The following ADGRA3 variants were observed in gnomAD, a reference collection of about 807,000 sequenced individuals.
ADGRA3 encodes adhesion G protein-coupled receptor A3.
Under a neutral mutation model 119.8 loss-of-function variants are expected in ADGRA3, and 56 were observed. That is an observed-to-expected ratio of 0.47 (90% CI 0.38 to 0.58). ADGRA3 has a LOEUF of 0.58. Among genes scored for constraint, ADGRA3 ranks in the 20% least tolerant of loss-of-function variants. ADGRA3 has a pLI of 0.00. For synonymous variants in ADGRA3, 607 were observed against 623.8 expected, an observed-to-expected ratio of 0.97 and a Z score of 0.40; for missense variants, 1,516 against 1,649.0, an observed-to-expected ratio of 0.92 and a Z score of 1.40.
chr4:22,406,652 A>T (rs34062464), intron 14 of ADGRA3, among the ~76,000 whole-genome samples: 5,762 of 152,082 alleles, frequency 0.038, 252 homozygotes, highest in East Asian at 0.24. Flanking sequence ...TAAATCAAAA[A>T]TTTTTTATGT....
chr4:22,402,926 C>A, intron 14 of ADGRA3, 127 bp from the exon 15 acceptor site: 1 of 860,154 alleles, frequency 1.2e-6, no homozygotes, highest in Non-Finnish European at 1.8e-6. Flanking sequence ...TTATTTTATT[C>A]AGACTAATGT....
At chr4:22,474,714 C>T (rs926421355) in intron 1 of ADGRA3, among the ~76,000 whole-genome samples, 3 of 152,216 alleles carry the variant, frequency 2.0e-5, no homozygotes, top group African/African-American at 4.8e-5. Context: ...AATGGCAGAC[C>T]CAGATTTTGT....
intron 3 of ADGRA3, among the ~76,000 whole-genome samples, chr4:22,458,222 A>G (rs1717310446): frequency 6.6e-6 from 1 of 152,150 alleles, no homozygotes; most frequent in East Asian, 1.9e-4. Flanking sequence ...GTTCCTAGGC[A>G]TGGGTGCAAA....
intron 14 of ADGRA3, among the ~76,000 whole-genome samples, chr4:22,411,115 T>C (rs1023904520): frequency 3.9e-5 from 6 of 152,248 alleles, no homozygotes; most frequent in Non-Finnish European, 8.8e-5. Context: ...CAGCGAAGGC[T>C]TATAAAATGC....
chr4:22,408,415 A>T (rs1715046375), intron 14 of ADGRA3, among the ~76,000 whole-genome samples: 1 of 152,152 alleles, frequency 6.6e-6, no homozygotes, highest in Non-Finnish European at 1.5e-5. Flanking sequence ...GCTCATATTC[A>T]GTACCCATAT....
intron 1 of ADGRA3, among the ~76,000 whole-genome samples, chr4:22,508,907 G>T (rs1719337396): frequency 6.6e-6 from 1 of 152,054 alleles, no homozygotes; most frequent in Non-Finnish European, 1.5e-5. Context: ...GCCCTGCCTA[G>T]ATATCTTTGA....
At chr4:22,424,101 C>A in intron 11 of ADGRA3, 90 bp downstream of exon 11, 1 of 1,035,566 alleles carries the variant, frequency 9.7e-7, no homozygotes. Flanking sequence ...GATATCCACC[C>A]CATAATGGAG....
At chr4:22,414,426 A>G (rs937508024) in intron 12 of ADGRA3, 1 of 465,498 alleles carries the variant, frequency 2.1e-6, no homozygotes, top group African/African-American at 2.0e-5. Flanking sequence ...ATTTTTTCAG[A>G]TTTCTTTATT....
At chr4:22,434,833 G>T (rs572811089) in intron 10 of ADGRA3, among the ~76,000 whole-genome samples, 2 of 152,202 alleles carry the variant, frequency 1.3e-5, no homozygotes, top group African/African-American at 4.8e-5. Flanking sequence ...TTTAAAACTT[G>T]TATAGTCCAA....
At chr4:22,405,502 C>T (rs368909901) in intron 14 of ADGRA3, among the ~76,000 whole-genome samples, 4 of 150,490 alleles carry the variant, frequency 2.7e-5, no homozygotes, top group African/African-American at 4.9e-5. Flanking sequence ...GCTGAGATTG[C>T]GCCACTGCAC....
chr4:22,462,449 G>A (rs964974932), intron 2 of ADGRA3, among the ~76,000 whole-genome samples: 1 of 152,066 alleles, frequency 6.6e-6, no homozygotes, highest in African/African-American at 2.4e-5. Flanking sequence ...GAGTAGAGAG[G>A]GTTACAGGCG....
Position 22,387,667 on chromosome 4 carries a change from C to T in ADGRA3, c.*38G>A. On this transcript the variant is annotated 3_prime_UTR_variant, in exon 19 of 19. Transcript: ENST00000334304. ...ATAGCTTCAAGGAATGTGAGTATCA[C>T]AGTTTATATGAATTTCTGCCTAGGA... The T allele has an allele frequency of 6.4e-7, 1 of 1,551,856 alleles. No individual in the cohort carries two copies.
At chr4:22,427,462 A>T (rs1392816667) in intron 10 of ADGRA3, among the ~76,000 whole-genome samples, 2 of 131,434 alleles carry the variant, frequency 1.5e-5, no homozygotes, top group Admixed American at 7.1e-5. Flanking sequence ...TAATAATTAT[A>T]AAAAAAAAAA....
At chr4:22,480,756 G>A (rs988063252) in intron 1 of ADGRA3, among the ~76,000 whole-genome samples, 2 of 152,106 alleles carry the variant, frequency 1.3e-5, no homozygotes, top group Admixed American at 6.6e-5. Context: ...CCAATAATAG[G>A]GGACTTTATG....
chr4:22,449,454 A>G (rs1168437408), intron 4 of ADGRA3, among the ~76,000 whole-genome samples: 1 of 152,176 alleles, frequency 6.6e-6, no homozygotes, highest in Non-Finnish European at 1.5e-5. Flanking sequence ...GGGTACACAC[A>G]CATTCCTTAT....
intron 1 of ADGRA3, among the ~76,000 whole-genome samples, chr4:22,486,086 G>C (rs1179691658): frequency 6.6e-6 from 1 of 152,094 alleles, no homozygotes; most frequent in African/African-American, 2.4e-5. Context: ...GTGGAGTTTC[G>C]CCATCAATCT....
chr4:22,461,901 G>T, intron 2 of ADGRA3, 93 bp from the exon 3 acceptor site: 1 of 726,580 alleles, frequency 1.4e-6, no homozygotes, highest in Non-Finnish European at 2.2e-6. Context: ...AAAAACAAAA[G>T]TATAATAATA....
At chr4:22,448,218 G>A (rs567966470) in intron 4 of ADGRA3, among the ~76,000 whole-genome samples, 1 of 152,240 alleles carries the variant, frequency 6.6e-6, no homozygotes, top group South Asian at 2.1e-4. Flanking sequence ...CTAGAGCTCG[G>A]GGGAGGACGG....
chr4:22,483,405 T>C (rs942944321), intron 1 of ADGRA3, among the ~76,000 whole-genome samples: 3 of 152,196 alleles, frequency 2.0e-5, no homozygotes, highest in South Asian at 2.1e-4. Context: ...CTATAATTAA[T>C]GGCATGCAGT....
Sources: allele counts gnomAD v4.1 joint callset (sites outside exome capture counted in the v4.1 genomes callset), GRCh38; gene constraint gnomAD v4.1.1; transcripts MANE v1.5; gene names NCBI Gene and HGNC (gene_info 2026-07-23, HGNC 2026-07-21).